Variants in LRRFIP2 observed in about 807,000 individuals in gnomAD.
LRRFIP2 encodes the protein LRR binding FLII interacting protein 2.
Under a neutral mutation model 125.9 loss-of-function variants are expected in LRRFIP2, and 109 were observed. The observed-to-expected ratio is 0.87, with a 90% CI of 0.74 to 1.01. The LOEUF (loss-of-function observed/expected upper bound fraction) is 1.01. Among genes scored for constraint, LRRFIP2 ranks in the 50% least tolerant of loss-of-function variants. LRRFIP2 has a pLI of 0.00. For synonymous variants in LRRFIP2, 291 were observed against 293.1 expected (o/e 0.99, Z 0.07); for missense variants, 850 against 862.3 (o/e 0.99, Z 0.18).
Position 37,112,917 on chromosome 3 carries a change from G to C in LRRFIP2, c.436C>G (p.Leu146Val), listed in dbSNP as rs148348907. The change falls in exon 8 of 28, where the codon CTG becomes GTG. Residue 146 changes from leucine to valine, a missense_variant and splice_region_variant. Coordinates refer to ENST00000336686, the MANE Select transcript of LRRFIP2 (RefSeq NM_006309.4). Reference protein sequence around the residue: ...KRSSDSHKDLLSGLYFDQRNY... With the variant: ...KRSSDSHKDLVSGLYFDQRNY... The stretch of plus-strand genomic sequence containing the variant: ...ATATGAGAGACAACAGAACTAACCA[G>C]TAGGTCTTTATGAGAATCAGAAGAC... 6.5e-6 allele frequency: 10 copies of C among 1,544,184 alleles called. No individual in the cohort carries two copies. The highest frequency in any genetic ancestry group is 8.9e-6 in the Non-Finnish European group (10 of 1,126,228).
In LRRFIP2 at chr3:37,103,019, G is replaced by C. The variant is rs985351592; in HGVS notation, c.784-6C>G. 6.5e-7 allele frequency: 1 copy of C among 1,547,290 alleles called. No homozygotes were observed. The highest frequency in any genetic ancestry group is 2.4e-5 in the East Asian group (1 of 41,568). ...AAATAATCAGCGGCAGATACCTTTC[G>C]GTCAGAAAAAAAACAAGATGCTTTC... On this transcript the variant is annotated splice_polypyrimidine_tract_variant and splice_region_variant and intron_variant, in intron 14 of 27. Coordinates refer to ENST00000336686, the MANE Select transcript of LRRFIP2 (RefSeq NM_006309.4).
chr3:37,152,106 T>C (rs191369288), intron 1 of LRRFIP2, among the ~76,000 whole-genome samples: 6 of 152,290 alleles, frequency 3.9e-5, no homozygotes, highest in East Asian at 3.9e-4. Flanking sequence ...AAATGTGATA[T>C]ATATACACCA....
chr3:37,054,092 T>G (rs2086114420), intron 27 of LRRFIP2, 131 bp from the exon 28 acceptor site: 2 of 663,056 alleles, frequency 3.0e-6, no homozygotes, highest in African/African-American at 3.6e-5. Context: ...CAACCTCATT[T>G]TTTCTATCAG....
intron 15 of LRRFIP2, among the ~76,000 whole-genome samples, chr3:37,100,517 C>T (rs555632993): frequency 6.7e-6 from 1 of 150,184 alleles, no homozygotes; most frequent in Admixed American, 6.6e-5. Flanking sequence ...CAGGGGTTAG[C>T]CAGATTTGTA....
intron 1 of LRRFIP2, chr3:37,174,163 G>C (rs1462655335): frequency 1.3e-5 from 2 of 152,132 alleles, no homozygotes; most frequent in Non-Finnish European, 2.9e-5. Context: ...AGACCAACAG[G>C]ATAGACTTGC....
At chr3:37,130,893 G>C (rs1020032036) in intron 2 of LRRFIP2, among the ~76,000 whole-genome samples, 1 of 152,182 alleles carries the variant, frequency 6.6e-6, no homozygotes, top group Non-Finnish European at 1.5e-5. Context: ...CACTGAGGTT[G>C]CTAAGATCTA....
chr3:37,108,347 T>C (rs2094425305), intron 12 of LRRFIP2, among the ~76,000 whole-genome samples: 1 of 152,178 alleles, frequency 6.6e-6, no homozygotes, highest in Non-Finnish European at 1.5e-5. Context: ...GAAGTGCTGC[T>C]CAGAACTTCT....
intron 2 of LRRFIP2, among the ~76,000 whole-genome samples, chr3:37,129,711 G>T (rs1051710446): frequency 1.3e-5 from 2 of 152,104 alleles, no homozygotes; most frequent in East Asian, 3.8e-4. Flanking sequence ...ATACAATTCC[G>T]ACTGGATGCA....
intron 4 of LRRFIP2, among the ~76,000 whole-genome samples, chr3:37,123,474 C>A (rs2095152431): frequency 6.6e-6 from 1 of 152,180 alleles, no homozygotes; most frequent in Non-Finnish European, 1.5e-5. Flanking sequence ...CAGGCATGAG[C>A]CACCATGCCT....
At chr3:37,104,985 T>C (rs975076964) in intron 14 of LRRFIP2, among the ~76,000 whole-genome samples, 8 of 152,112 alleles carry the variant, frequency 5.3e-5, no homozygotes, top group Admixed American at 6.6e-5. Context: ...GCTGGGATTA[T>C]AGGCATGAGC....
At chr3:37,142,608 T>C (rs551104311) in intron 2 of LRRFIP2, among the ~76,000 whole-genome samples, 4 of 152,206 alleles carry the variant, frequency 2.6e-5, no homozygotes, top group Non-Finnish European at 5.9e-5. Flanking sequence ...CTTTATGCAT[T>C]CTGGGAAACT....
chr3:37,127,593 T>C (rs750330320), intron 4 of LRRFIP2, 37 bp downstream of exon 4: 6 of 1,601,852 alleles, frequency 3.7e-6, no homozygotes, highest in South Asian at 1.1e-5. Context: ...ATTTCAGCAA[T>C]TGATCACAAC....
In LRRFIP2 at chr3:37,110,398, C is replaced by T. The variant is rs188768415; in HGVS notation, c.513+593G>A. ...ATGAAAAATAAGAGTACTTAAGTTG[C>T]GTGTGCAGGTTTTTTAAACAAAATT... On this transcript the variant is annotated intron_variant, in intron 9 of 27. Coordinates refer to ENST00000336686, the MANE Select transcript of LRRFIP2 (RefSeq NM_006309.4). Among the ~76,000 whole-genome samples, 268 of 152,178 alleles carry T rather than the reference C, an allele frequency of 1.8e-3. 2 individuals are homozygous for T. The highest frequency in any genetic ancestry group is 6.3e-3 in the African/African-American group (261 of 41,514).
chr3:37,066,273 A>AT lies in LRRFIP2; in HGVS notation c.1516dup (p.Met506AsnfsTer8), dbSNP rs747400029. On this transcript the variant is annotated frameshift_variant, in exon 22 of 28. Transcript: ENST00000336686. LOFTEE classifies it high-confidence loss of function. ...CAGGTCAGCCAGCTCCTCTCTGAGCATATCTCGCTCATTCCTAAGGCAGGC... is the reference window on the plus strand; with the variant it reads ...CAGGTCAGCCAGCTCCTCTCTGAGCATTATCTCGCTCATTCCTAAGGCAGGC... 1 of 1,614,186 alleles carries AT rather than the reference A, an allele frequency of 6.2e-7. No homozygotes were observed. The highest frequency in any genetic ancestry group is 8.5e-7 in the Non-Finnish European group (1 of 1,179,998).
intron 2 of LRRFIP2, among the ~76,000 whole-genome samples, chr3:37,148,432 T>C (rs1226241875): frequency 6.6e-6 from 1 of 152,148 alleles, no homozygotes; most frequent in Non-Finnish European, 1.5e-5. Flanking sequence ...TAAGATCAGT[T>C]TTACCTAGTA....
chr3:37,078,461 T>C (rs891494424), intron 19 of LRRFIP2, among the ~76,000 whole-genome samples: 1 of 152,178 alleles, frequency 6.6e-6, no homozygotes, highest in Non-Finnish European at 1.5e-5. Flanking sequence ...ACATAATTAC[T>C]ATCATCCCTA....
chr3:37,117,125 T>TAA (rs74270642), intron 6 of LRRFIP2, among the ~76,000 whole-genome samples: 2 of 132,840 alleles, frequency 1.5e-5, no homozygotes, highest in Non-Finnish European at 3.3e-5. Context: ...CCCTTTTGTT[T>TAA]AAAAAAAAAA....
intron 1 of LRRFIP2, among the ~76,000 whole-genome samples, chr3:37,171,237 T>C (rs879761957): frequency 1.2e-4 from 18 of 152,312 alleles, no homozygotes; most frequent in Admixed American, 4.6e-4. Flanking sequence ...AGGCAAAATG[T>C]CCTTTATAAC....
intron 20 of LRRFIP2, among the ~76,000 whole-genome samples, chr3:37,073,240 G>A (rs2148896389): frequency 6.6e-6 from 1 of 152,190 alleles, no homozygotes; most frequent in Non-Finnish European, 1.5e-5. Flanking sequence ...TCCTAGAGAG[G>A]GAAATTTAGG....
Sources: allele counts gnomAD v4.1 joint callset (sites outside exome capture counted in the v4.1 genomes callset), GRCh38; gene constraint gnomAD v4.1.1; transcripts MANE v1.5; gene names NCBI Gene and HGNC (gene_info 2026-07-23, HGNC 2026-07-21).